The following ARID3A variants were observed in gnomAD, a reference collection of about 807,000 sequenced individuals.
The protein encoded by ARID3A is AT-rich interaction domain 3A, also known as AT-rich interactive domain-containing protein 3A.
Under a neutral mutation model 52.7 loss-of-function variants are expected in ARID3A, and 11 were observed. The ratio of observed to expected loss-of-function variants is 0.21; its 90% CI spans 0.13 to 0.35. The LOEUF is 0.35. ARID3A is among the 10% of genes least tolerant of loss of function. The pLI is 1.00. For missense variants in ARID3A, 721 were observed against 838.5 expected (o/e 0.86, Z 1.73); for synonymous variants, 404 against 359.4 (o/e 1.12, Z -1.40).
chr19:943,460 T>G (rs2037601005), intron 3 of ARID3A, among the ~76,000 whole-genome samples: 1 of 150,788 alleles, frequency 6.6e-6, no homozygotes, highest in Non-Finnish European at 1.5e-5. Context: ...CCCAGCTACT[T>G]GGGAAGCTGA....
In ARID3A at chr19:929,481, C is replaced by CATG; in HGVS notation, c.-48_-47insATG. 3 of 1,392,724 alleles carry CATG rather than the reference C, an allele frequency of 2.2e-6. No individual in the cohort carries two copies. The highest frequency in any genetic ancestry group is 2.9e-6 in the Non-Finnish European group (3 of 1,050,020). The allele number at this position is 1,392,724 out of a possible 1,614,324, so 86.3% of individuals were successfully genotyped here. ...GCCCCCGCCGCCCACCCCTAGCGCCCGTGGTGGTGGTGGTGGTGGTGGTGG... is the reference window on the plus strand; with the variant it reads ...GCCCCCGCCGCCCACCCCTAGCGCCCATGGTGGTGGTGGTGGTGGTGGTGGTGG... On this transcript the variant is annotated 5_prime_UTR_variant, in exon 2 of 9. The change creates a new upstream start codon in the 5' untranslated region. Coordinates refer to ENST00000263620, the MANE Select transcript of ARID3A (RefSeq NM_005224.3). The surrounding 1 kb of genome is among the most constrained non-coding windows in gnomAD (Gnocchi z 6.2).
In ARID3A at chr19:972,826, A is replaced by AAAAAAAAAAC. The variant is rs2038308801; in HGVS notation, c.*766_*767insAAAACAAAAA. On this transcript the variant is annotated 3_prime_UTR_variant, in exon 9 of 9. Coordinates refer to ENST00000263620, the MANE Select transcript of ARID3A (RefSeq NM_005224.3). ...CAAAAAAAAAAAAAAAAAAAAAAAA[A>AAAAAAAAAAC]AAAAACTCACCTTTTTATTTTTCCC... The AAAAAAAAAAC allele has an allele frequency of 7.3e-6, 1 of 136,728 alleles. No homozygotes were observed. Among genetic ancestry groups the AAAAAAAAAAC allele is most frequent in the African/African-American group, 3.1e-5 (1 of 32,328 alleles). 8.5% of individuals were successfully genotyped at this position (136,728 alleles called of 1,614,324 possible). A position where few individuals can be genotyped will look rare whatever the true frequency, so the allele number is the denominator to read the frequency against.
rs904326674 is a variant in ARID3A, at chr19:960,250, G to A, written c.766+86G>A. The A allele has an allele frequency of 2.1e-4, 274 of 1,282,956 alleles. No homozygotes were observed. The highest frequency in any genetic ancestry group is 2.8e-4 in the Non-Finnish European group (261 of 925,210). The allele number at this position is 1,282,956 out of a possible 1,614,324, so 79.5% of individuals were successfully genotyped here. On this transcript the variant is annotated intron_variant, in intron 4 of 8. Coordinates refer to ENST00000263620, the MANE Select transcript of ARID3A (RefSeq NM_005224.3). The surrounding 1 kb of genome is among the most constrained non-coding windows in gnomAD (Gnocchi z 4.3). The stretch of plus-strand genomic sequence containing the variant: ...CCCTACTGGCTCCAGGTATGTCGGG[G>A]CGGTGGTGAGCACCCCGTGGCTGGA...
chr19:927,571 G>A (rs1366817562), intron 1 of ARID3A, among the ~76,000 whole-genome samples: 1 of 151,662 alleles, frequency 6.6e-6, no homozygotes, highest in Non-Finnish European at 1.5e-5. Context: ...AAGAGGGGGG[G>A]CTTTGCTTGG....
rs965991863 is a variant in ARID3A, at chr19:929,408, C to T, written c.-121C>T. 26 of 1,125,278 alleles carry T rather than the reference C, an allele frequency of 2.3e-5. No individual in the cohort carries two copies. Among genetic ancestry groups the T allele is most frequent in the Non-Finnish European group, 2.6e-5 (23 of 886,076 alleles). 69.7% of individuals were successfully genotyped at this position (1,125,278 alleles called of 1,614,324 possible). The stretch of plus-strand genomic sequence containing the variant: ...CCACCCTGCACTGCCCCGGCTCCCC[C>T]GCGGCCCCCACGCTGCAGTGCGGCC... On this transcript the variant is annotated 5_prime_UTR_variant, in exon 2 of 9. Coordinates refer to ENST00000263620, the MANE Select transcript of ARID3A (RefSeq NM_005224.3). This position sits in a 1 kb window ranked among gnomAD's most constrained non-coding sequence, Gnocchi z 6.2.
At position 944,054 on chromosome 19, in the gene ARID3A, C is replaced by T. The variant is rs1285950230; in HGVS notation, c.693+11312C>T. Among the ~76,000 whole-genome samples, 3 of 7,914 alleles carry T rather than the reference C, an allele frequency of 3.8e-4. No individual in the cohort carries two copies. Among genetic ancestry groups the T allele is most frequent in the Non-Finnish European group, 6.2e-4 (3 of 4,826 alleles). The allele number at this position is 7,914 out of a possible 152,430, so 5.2% of individuals were successfully genotyped here. On this transcript the variant is annotated intron_variant, in intron 3 of 8. Transcript: ENST00000263620. This position sits in a 1 kb window ranked among gnomAD's most constrained non-coding sequence, Gnocchi z 5.9. The stretch of plus-strand genomic sequence containing the variant: ...AGCCTGACCCTCTCATGGGCACTTA[C>T]GGGGCATCTGTATGCCAGCCCGACC...
rs568877425 is a variant in ARID3A at position 965,563 on chromosome 19, G to A, written c.1198+483G>A. Reference sequence around the variant, plus strand: ...AAAAAAATTAGCTGGGCGTGGCAACGTGCACCTGTGGTCCCAGCTACCCAG... The same window carrying A: ...AAAAAAATTAGCTGGGCGTGGCAACATGCACCTGTGGTCCCAGCTACCCAG... On this transcript the variant is annotated intron_variant, in intron 6 of 8. Transcript: ENST00000263620. 3.2e-4 allele frequency among the ~76,000 whole-genome samples: 48 copies of A among 151,838 alleles called. No homozygotes were observed. The South Asian group carries it at 6.5e-3, about 20-fold the overall frequency.
rs1286809246 is a variant in ARID3A at position 973,671 on chromosome 19, T to C, written c.*1606T>C. 1.8e-5 allele frequency: 4 copies of C among 226,468 alleles called. No individual in the cohort carries two copies. The East Asian group carries it at 2.5e-4, about 14-fold the overall frequency. 14.0% of individuals were successfully genotyped at this position (226,468 alleles called of 1,614,324 possible). On this transcript the variant is annotated 3_prime_UTR_variant, in exon 9 of 9. Coordinates refer to ENST00000263620, the MANE Select transcript of ARID3A (RefSeq NM_005224.3). ...CCCCACACCCCAACATTCTCCTCGCTCTGTCCCTTCCTCTTCTCCCAACCC... is the reference window on the plus strand; with the variant it reads ...CCCCACACCCCAACATTCTCCTCGCCCTGTCCCTTCCTCTTCTCCCAACCC...
Position 929,497 on chromosome 19 carries a change from GT to G in ARID3A, c.-31del. On this transcript the variant is annotated 5_prime_UTR_variant, in exon 2 of 9. Coordinates refer to ENST00000263620, the MANE Select transcript of ARID3A (RefSeq NM_005224.3). The surrounding 1 kb of genome is among the most constrained non-coding windows in gnomAD (Gnocchi z 6.2). Reference sequence around the variant, plus strand: ...CCTAGCGCCCGTGGTGGTGGTGGTGGTGGTGGTGGTGGTGGCCCGGGCCGCA... The same window carrying G: ...CCTAGCGCCCGTGGTGGTGGTGGTGGGGTGGTGGTGGTGGCCCGGGCCGCA... 6.7e-7 allele frequency: 1 copy of G among 1,499,634 alleles called. No homozygotes were observed. 92.9% of individuals were successfully genotyped at this position (1,499,634 alleles called of 1,614,324 possible).
chr19:951,969 C>T (rs149647199), intron 3 of ARID3A, among the ~76,000 whole-genome samples: 263 of 151,780 alleles, frequency 1.7e-3, no homozygotes, highest in Non-Finnish European at 3.1e-3. Flanking sequence ...AACCCCGTCT[C>T]TGCAAAAAAT....
At chr19:946,210 C>CA in intron 3 of ARID3A, among the ~76,000 whole-genome samples, 2 of 152,016 alleles carry the variant, frequency 1.3e-5, no homozygotes, top group South Asian at 4.2e-4. Flanking sequence ...CTGGGTATTT[C>CA]ATTTTTATTT....
At chr19:971,585 G>C (rs1473612859) in intron 8 of ARID3A, among the ~76,000 whole-genome samples, 2 of 152,110 alleles carry the variant, frequency 1.3e-5, no homozygotes, top group African/African-American at 4.8e-5. Context: ...CTGCACTCCA[G>C]CCTGCGCGAC....
At chr19:931,353 T>C (rs2037321944) in intron 2 of ARID3A, among the ~76,000 whole-genome samples, 1 of 147,066 alleles carries the variant, frequency 6.8e-6, no homozygotes, top group East Asian at 2.0e-4. Flanking sequence ...CTCAGGAGGC[T>C]GAGGAGGAGA....
At chr19:963,594 C>T (rs1029932672) in intron 4 of ARID3A, among the ~76,000 whole-genome samples, 1 of 152,104 alleles carries the variant, frequency 6.6e-6, no homozygotes, top group African/African-American at 2.4e-5. Context: ...GGGGCAGGAA[C>T]CTGAGTCAGC....
intron 1 of ARID3A, among the ~76,000 whole-genome samples, chr19:926,799 C>T (rs1226964331): frequency 6.6e-6 from 1 of 151,846 alleles, no homozygotes; most frequent in Non-Finnish European, 1.5e-5. Flanking sequence ...TGGGAGCGCG[C>T]GTTTGTCAAC....
rs1555732929 is a variant in ARID3A, at chr19:973,140, C to CTTTTTT, written c.*1076_*1077insTTTTTT. The CTTTTTT allele has an allele frequency of 4.8e-5, 1 of 20,666 alleles. No individual in the cohort carries two copies. The highest frequency in any genetic ancestry group is 1.2e-4 in the Non-Finnish European group (1 of 8,286). 1.3% of individuals were successfully genotyped at this position (20,666 alleles called of 1,614,324 possible). ...TTTTTTTTTTTGAGACGGAGTTTTG[C>CTTTTTT]TCTTGTCGCCCAGGCTGGAGTGAGT... On this transcript the variant is annotated 3_prime_UTR_variant, in exon 9 of 9. Transcript: ENST00000263620.
At chr19:935,189 C>T (rs540250408) in intron 3 of ARID3A, among the ~76,000 whole-genome samples, 8 of 152,238 alleles carry the variant, frequency 5.3e-5, no homozygotes, top group Non-Finnish European at 1.0e-4. Context: ...GGCTAACTTC[C>T]GCCTGCAAAT....
chr19:965,849 G>A lies in ARID3A; in HGVS notation c.1199-723G>A, dbSNP rs189112721. 3.4e-3 allele frequency among the ~76,000 whole-genome samples: 518 copies of A among 151,652 alleles called. 6 individuals are homozygous for A. The highest frequency in any genetic ancestry group is 0.012 in the African/African-American group (502 of 41,314). ...TCTACTAAAAATACAAAAATTAGCC[G>A]GGTGTGGTGGCACACACCTGTAGTC... On this transcript the variant is annotated intron_variant, in intron 6 of 8. Coordinates refer to ENST00000263620, the MANE Select transcript of ARID3A (RefSeq NM_005224.3).
chr19:964,243 C>T lies in ARID3A; in HGVS notation c.767-5C>T, dbSNP rs1208454146. 1.9e-6 allele frequency: 3 copies of T among 1,607,942 alleles called. No individual in the cohort carries two copies. The African/African-American group carries it at 4.0e-5, about 21-fold the overall frequency. Reference sequence around the variant, plus strand: ...CCCCAACCTCCCTCTCGCCCCTTCCCCCAGGGACACCTGTGAACCGCATCC... The same window carrying T: ...CCCCAACCTCCCTCTCGCCCCTTCCTCCAGGGACACCTGTGAACCGCATCC... On this transcript the variant is annotated splice_polypyrimidine_tract_variant and splice_region_variant and intron_variant, in intron 4 of 8. Coordinates refer to ENST00000263620, the MANE Select transcript of ARID3A (RefSeq NM_005224.3). This position sits in a 1 kb window ranked among gnomAD's most constrained non-coding sequence, Gnocchi z 5.7.
Sources: allele counts gnomAD v4.1 joint callset (sites outside exome capture counted in the v4.1 genomes callset), GRCh38; gene constraint gnomAD v4.1.1; non-coding constraint Gnocchi (gnomAD v3.1); transcripts MANE v1.5; gene names NCBI Gene and HGNC (gene_info 2026-07-23, HGNC 2026-07-21).